Variants in ENTREP2 observed in about 807,000 individuals in gnomAD.
ENTREP2 encodes the protein endosomal transmembrane epsin interactor 2, also known as protein ENTREP2.
the ENTREP2 span, among the ~76,000 whole-genome samples, chr15:29,135,627 A>G: frequency 6.6e-6 from 1 of 152,104 alleles, no homozygotes; most frequent in Non-Finnish European, 1.5e-5. The surrounding 1 kb of genome is among the most constrained non-coding windows in gnomAD (Gnocchi z 7.4). Flanking sequence ...ACAACATCCC[A>G]TTTCGTCCCA....
At chr15:29,120,038 T>A in the ENTREP2 span, among the ~76,000 whole-genome samples, 4 of 152,348 alleles carry the variant, frequency 2.6e-5, no homozygotes, top group Middle Eastern at 6.8e-3. Context: ...ATGGCCAGCG[T>A]GGACGGGCGT....
chr15:29,124,632 C>T, the ENTREP2 span: 2 of 1,470,892 alleles, frequency 1.4e-6, no homozygotes, highest in South Asian at 1.2e-5. Context: ...CCACCAACAC[C>T]CGCCCCACCT....
At chr15:29,592,873 T>C in the ENTREP2 span, among the ~76,000 whole-genome samples, 1 of 152,282 alleles carries the variant, frequency 6.6e-6, no homozygotes, top group South Asian at 2.1e-4. Flanking sequence ...CCTCTCTTGT[T>C]ATGTGATCTC....
chr15:29,216,833 T>C, the ENTREP2 span, among the ~76,000 whole-genome samples: 1 of 152,040 alleles, frequency 6.6e-6, no homozygotes, highest in African/African-American at 2.4e-5. Context: ...AAAAATGGCT[T>C]AATACTGTGA....
the ENTREP2 span, among the ~76,000 whole-genome samples, chr15:29,224,394 C>T: frequency 6.6e-6 from 1 of 152,130 alleles, no homozygotes; most frequent in South Asian, 2.1e-4. Context: ...GGGAACTGCG[C>T]CGGGTTGCCA....
the ENTREP2 span, among the ~76,000 whole-genome samples, chr15:29,658,744 C>T: frequency 6.6e-6 from 1 of 152,268 alleles, no homozygotes; most frequent in African/African-American, 2.4e-5. Flanking sequence ...TTCAGGTCAA[C>T]CTTTCATCTC....
chr15:29,343,582 C>CTT, the ENTREP2 span, among the ~76,000 whole-genome samples: 2 of 147,220 alleles, frequency 1.4e-5, no homozygotes, highest in African/African-American at 5.2e-5. Context: ...CGCTCTCTCT[C>CTT]TCTTTCTCTC....
the ENTREP2 span, among the ~76,000 whole-genome samples, chr15:29,305,859 T>C: frequency 6.6e-6 from 1 of 152,244 alleles, no homozygotes; most frequent in South Asian, 2.1e-4. Flanking sequence ...TGAAATCCCA[T>C]TAGAGAGAGA....
the ENTREP2 span, among the ~76,000 whole-genome samples, chr15:29,168,044 C>G: frequency 2.0e-5 from 3 of 152,162 alleles, no homozygotes; most frequent in African/African-American, 4.8e-5. Flanking sequence ...AGATTGGAGA[C>G]TCTTATTCTA....
the ENTREP2 span, among the ~76,000 whole-genome samples, chr15:29,312,450 G>A: frequency 9.2e-5 from 14 of 152,034 alleles, no homozygotes; most frequent in East Asian, 3.9e-4. Context: ...GTTTTTTTAC[G>A]GATTGAAGGT....
chr15:29,119,297 T>C, the ENTREP2 span, among the ~76,000 whole-genome samples: 2 of 10,452 alleles, frequency 1.9e-4, 1 homozygote, highest in African/African-American at 2.4e-4. Context: ...ATGTCCTTTG[T>C]AGGGACATGG....
the ENTREP2 span, among the ~76,000 whole-genome samples, chr15:29,359,165 A>C: frequency 4.3e-4 from 65 of 152,340 alleles, no homozygotes; most frequent in East Asian, 0.012. Flanking sequence ...ATCATGTAGG[A>C]AAAAGCTGTT....
the ENTREP2 span, among the ~76,000 whole-genome samples, chr15:29,630,764 T>C: frequency 2.0e-5 from 3 of 152,220 alleles, no homozygotes; most frequent in Admixed American, 1.3e-4. Context: ...CTCAGCTCAC[T>C]GCTACCTCCA....
chr15:29,163,996 A>C, the ENTREP2 span, among the ~76,000 whole-genome samples: 1 of 152,236 alleles, frequency 6.6e-6, no homozygotes, highest in Non-Finnish European at 1.5e-5. Context: ...GCTAGAAGGG[A>C]TTGGGGCTCT....
At chr15:29,605,707 G>A in the ENTREP2 span, among the ~76,000 whole-genome samples, 5 of 151,698 alleles carry the variant, frequency 3.3e-5, no homozygotes, top group Admixed American at 3.3e-4. Context: ...ATGATGGGGG[G>A]GTGCCTATAA....
chr15:29,422,020 C>A, the ENTREP2 span, among the ~76,000 whole-genome samples: 1 of 152,274 alleles, frequency 6.6e-6, no homozygotes, highest in Admixed American at 6.5e-5. Context: ...GTAATCCCAG[C>A]ACTTTGGGAG....
At chr15:29,136,381 C>A in the ENTREP2 span, 39 of 1,509,332 alleles carry the variant, frequency 2.6e-5, 1 homozygote, top group African/African-American at 2.3e-4. Context: ...TGGCAGGGGG[C>A]TGGCCCACCA....
chr15:29,488,611 G>A, the ENTREP2 span, among the ~76,000 whole-genome samples: 1 of 152,156 alleles, frequency 6.6e-6, no homozygotes, highest in Admixed American at 6.5e-5. Context: ...TCCACACTGA[G>A]ACACATTATA....
chr15:29,591,879 G>T, the ENTREP2 span, among the ~76,000 whole-genome samples: 1 of 51,094 alleles, frequency 2.0e-5, no homozygotes, highest in Non-Finnish European at 4.5e-5. Flanking sequence ...AGAAGAAGAA[G>T]AAGAAGAAGA....
Sources: gnomAD v4.1 joint callset for allele counts (sites outside exome capture counted in the v4.1 genomes callset) on GRCh38, gnomAD v4.1.1 for gene constraint, Gnocchi (gnomAD v3.1) non-coding constraint, MANE v1.5 for transcripts, NCBI Gene and HGNC (gene_info 2026-07-23, HGNC 2026-07-21) for gene names.